The following ERMP1 variants were observed in gnomAD, a reference collection of about 807,000 sequenced individuals.
ERMP1 encodes the protein endoplasmic reticulum metallopeptidase 1.
ERMP1 carries 86 observed loss-of-function variants against 92.0 expected under a neutral mutation model. The observed-to-expected ratio is 0.93, with a 90% CI of 0.79 to 1.12. The LOEUF is 1.12. ERMP1 is among the 50% of genes most tolerant of loss of function. The pLI, the probability that ERMP1 is intolerant of heterozygous loss-of-function variation, is 0.00. For synonymous variants in ERMP1, 530 were observed against 412.8 expected, an observed-to-expected ratio of 1.28 and a Z score of -3.44; for missense variants, 1,342 against 1,116.3, an observed-to-expected ratio of 1.20 and a Z score of -2.88.
At chr9:5,831,631 A>G (rs1829942966) in intron 1 of ERMP1, among the ~76,000 whole-genome samples, 1 of 152,144 alleles carries the variant, frequency 6.6e-6, no homozygotes, top group Non-Finnish European at 1.5e-5. Context: ...AAAGCTAAAG[A>G]CTAAGCAGGA....
intron 6 of ERMP1, among the ~76,000 whole-genome samples, chr9:5,858,366 A>G (rs1411284702): frequency 6.6e-6 from 1 of 152,226 alleles, no homozygotes; most frequent in Non-Finnish European, 1.5e-5. Flanking sequence ...GGGTAAGACC[A>G]TGTTGAACAG....
rs772536893 is a variant in ERMP1, at chr9:5,787,142, G to A, written c.*2C>T. ...GCATGTACTTAGAGCTCATCCACAA[G>A]ATTAAAATACAAAGAGATCGTAGGT... On this transcript the variant is annotated 3_prime_UTR_variant, in exon 15 of 15. Coordinates refer to ENST00000339450, the MANE Select transcript of ERMP1 (RefSeq NM_024896.3). 1 of 1,611,814 alleles carries A rather than the reference G, an allele frequency of 6.2e-7. No homozygotes were observed. The highest frequency in any genetic ancestry group is 8.5e-7 in the Non-Finnish European group (1 of 1,178,788).
rs546542263 is a variant in ERMP1, at chr9:5,843,383, GA to G, written n.3200-10072del. Among the ~76,000 whole-genome samples, 22 of 152,312 alleles carry G rather than the reference GA, an allele frequency of 1.4e-4. 1 individual carries two copies. The South Asian group carries it at 4.4e-3, about 30-fold the overall frequency. Reference sequence around the variant, plus strand: ...AGAGAAGAACATTTTGTGTGCCAAAGAAAATAGGTGTGTAAACTGGATTCCA... The same window carrying G: ...AGAGAAGAACATTTTGTGTGCCAAAGAAATAGGTGTGTAAACTGGATTCCA... On this transcript the variant is annotated intron_variant and non_coding_transcript_variant, in intron 6 of 6. Coordinates refer to the ERMP1 transcript ENST00000690753.
rs571382899 is a variant in ERMP1, at chr9:5,809,222, G to A, written c.1548+789C>T. ...TTTTTAGTAGAGACGGGGTTTCACC[G>A]TGTTAGCCAGGATGGTCTCGATCTC... On this transcript the variant is annotated intron_variant, in intron 8 of 14. Coordinates refer to ENST00000339450, the MANE Select transcript of ERMP1 (RefSeq NM_024896.3). Among the ~76,000 whole-genome samples, 348 of 151,388 alleles carry A rather than the reference G, an allele frequency of 2.3e-3. 1 individual carries two copies. Among genetic ancestry groups the A allele is most frequent in the Non-Finnish European group, 4.5e-3 (302 of 67,856 alleles).
chr9:5,838,803 C>CA lies in ERMP1; in HGVS notation n.3200-5492dup, dbSNP rs796809960. Among the ~76,000 whole-genome samples, 1,247 of 142,436 alleles carry CA rather than the reference C, an allele frequency of 8.8e-3. 15 individuals carry two copies. Among genetic ancestry groups the CA allele is most frequent in the African/African-American group, 0.031 (1,195 of 38,712 alleles). The allele number at this position is 142,436 out of a possible 152,430, so 93.4% of individuals were successfully genotyped here. A position where few individuals can be genotyped will look rare whatever the true frequency, so the allele number is the denominator to read the frequency against. ...CTCACATTATAAATATTAAGAGAAA[C>CA]AAAAAAAAAAGACACAAAATGGAAA... On this transcript the variant is annotated intron_variant and non_coding_transcript_variant, in intron 6 of 6. Transcript: ENST00000690753.
At chr9:5,856,630 T>C (rs975736418) in intron 6 of ERMP1, among the ~76,000 whole-genome samples, 6 of 152,158 alleles carry the variant, frequency 3.9e-5, no homozygotes, top group Non-Finnish European at 8.8e-5. Flanking sequence ...CCTGTGCCAG[T>C]AGTCACATTC....
At chr9:5,829,525 G>A (rs897143954) in intron 2 of ERMP1, among the ~76,000 whole-genome samples, 1 of 152,116 alleles carries the variant, frequency 6.6e-6, no homozygotes, top group Admixed American at 6.5e-5. Flanking sequence ...TTCCATGCCA[G>A]GTACTATTTT....
rs1169438649 is a variant in ERMP1, at chr9:5,832,758, G to A, written c.270C>T (p.Leu90=). The change falls in exon 1 of 15, where the codon CTC becomes CTT. Residue 90 remains leucine, a synonymous_variant. Coordinates refer to ENST00000339450, the MANE Select transcript of ERMP1 (RefSeq NM_024896.3). ...CGCGTAGCACGAGCTGCTGCAGCGA[G>A]AGCTGCACCAGCGTCCGCAGCGCGA... is the stretch of plus-strand genomic sequence containing the variant. ...YLIALRTLVQ[L]SLQQLVLRGA... 6.7e-7 allele frequency: 1 copy of A among 1,499,274 alleles called. No homozygotes were observed. The highest frequency in any genetic ancestry group is 8.8e-7 in the Non-Finnish European group (1 of 1,132,700). 92.9% of individuals were successfully genotyped at this position (1,499,274 alleles called of 1,614,324 possible).
intron 11 of ERMP1, among the ~76,000 whole-genome samples, chr9:5,799,462 T>C (rs1196737758): frequency 6.6e-6 from 1 of 152,006 alleles, no homozygotes; most frequent in African/African-American, 2.4e-5. Flanking sequence ...AAAGGCACCG[T>C]GCTCCATTTG....
At chr9:5,799,031 A>G (rs1362067276) in intron 11 of ERMP1, 23 bp from the exon 12 acceptor site, 1 of 1,591,080 alleles carries the variant, frequency 6.3e-7, no homozygotes, top group Admixed American at 1.7e-5. Flanking sequence ...GACTAGTGAA[A>G]AAACTGTTTC....
chr9:5,866,903 T>C (rs1264072584), intron 5 of ERMP1, among the ~76,000 whole-genome samples: 1 of 152,086 alleles, frequency 6.6e-6, no homozygotes, highest in East Asian at 1.9e-4. Flanking sequence ...ATGGGACTGG[T>C]AATAAGAATG....
At chr9:5,857,397 G>A (rs1830391033) in intron 6 of ERMP1, among the ~76,000 whole-genome samples, 1 of 152,114 alleles carries the variant, frequency 6.6e-6, no homozygotes, top group African/African-American at 2.4e-5. Context: ...CTGGGCACGT[G>A]CACATCCAGC....
intron 5 of ERMP1, among the ~76,000 whole-genome samples, chr9:5,862,557 G>A (rs1162470930): frequency 6.6e-6 from 1 of 152,078 alleles, no homozygotes; most frequent in Non-Finnish European, 1.5e-5. Context: ...GTGTTGCCAA[G>A]GCTGGTCTTA....
intron 6 of ERMP1, among the ~76,000 whole-genome samples, chr9:5,811,653 T>C (rs1829100203): frequency 6.6e-6 from 1 of 152,182 alleles, no homozygotes; most frequent in Admixed American, 6.6e-5. Context: ...TGTTGACAAA[T>C]CCAATGGCTG....
At chr9:5,791,647 T>C (rs563387534) in intron 13 of ERMP1, among the ~76,000 whole-genome samples, 1 of 151,914 alleles carries the variant, frequency 6.6e-6, no homozygotes, top group South Asian at 2.1e-4. Context: ...TTTACAGCTT[T>C]TGAAGATGAG....
chr9:5,785,765 A>T lies in ERMP1; in HGVS notation c.*1379T>A, dbSNP rs1466372042. The T allele has an allele frequency of 6.6e-6, 1 of 152,382 alleles. No homozygotes were observed. The highest frequency in any genetic ancestry group is 1.9e-4 in the East Asian group (1 of 5,208). 9.4% of individuals were successfully genotyped at this position (152,382 alleles called of 1,614,324 possible). On this transcript the variant is annotated 3_prime_UTR_variant, in exon 15 of 15. Transcript: ENST00000339450. Reference sequence around the variant, plus strand: ...CTCATTTCCTCCATCACCCAAGATAAATCTAGCCACCCTTTTTTGTTAACT... The same window carrying T: ...CTCATTTCCTCCATCACCCAAGATATATCTAGCCACCCTTTTTTGTTAACT...
intron 13 of ERMP1, among the ~76,000 whole-genome samples, chr9:5,795,636 G>A (rs1264563863): frequency 6.6e-6 from 1 of 152,140 alleles, no homozygotes; most frequent in East Asian, 1.9e-4. Context: ...AAATTAGCCA[G>A]GTGTGGTGGC....
intron 13 of ERMP1, chr9:5,791,420 T>A (rs1185095372): frequency 2.4e-6 from 1 of 411,914 alleles, no homozygotes; most frequent in African/African-American, 2.1e-5. Flanking sequence ...TGGAGGGCAA[T>A]CTGCTTTACT....
Position 5,787,044 on chromosome 9 carries a change from A to G in ERMP1, c.*100T>C, listed in dbSNP as rs1452400817. The G allele has an allele frequency of 9.9e-6, 12 of 1,217,350 alleles. No individual in the cohort carries two copies. The highest frequency in any genetic ancestry group is 1.4e-5 in the Non-Finnish European group (12 of 873,126). 75.4% of individuals were successfully genotyped at this position (1,217,350 alleles called of 1,614,324 possible). ...AAAGCTCTTTGAACATATGATCATT[A>G]AAATTCATTGACTTACGTTACAAAC... On this transcript the variant is annotated 3_prime_UTR_variant, in exon 15 of 15. Coordinates refer to ENST00000339450, the MANE Select transcript of ERMP1 (RefSeq NM_024896.3).
Sources: allele counts gnomAD v4.1 joint callset (sites outside exome capture counted in the v4.1 genomes callset), GRCh38; gene constraint gnomAD v4.1.1; transcripts MANE v1.5; gene names NCBI Gene and HGNC (gene_info 2026-07-23, HGNC 2026-07-21).